The following RPS6KA2 variants were observed in gnomAD, a reference collection of about 807,000 sequenced individuals.
The protein encoded by RPS6KA2 is ribosomal protein S6 kinase A2.
Under a neutral mutation model 91.8 loss-of-function variants are expected in RPS6KA2, and 42 were observed. That is an observed-to-expected ratio of 0.46 (90% CI 0.36 to 0.59). RPS6KA2 has a LOEUF of 0.59. Ranked by LOEUF, RPS6KA2 falls within the 20% of genes least tolerant of loss-of-function variation. The pLI, the probability that RPS6KA2 is intolerant of heterozygous loss-of-function variation, is 0.00. For synonymous variants in RPS6KA2, 414 were observed against 393.6 expected (o/e 1.05, Z -0.61); for missense variants, 798 against 978.5 (o/e 0.82, Z 2.46).
chr6:166,654,766 T>C (rs956359137), intron 2 of RPS6KA2, among the ~76,000 whole-genome samples: 1 of 152,162 alleles, frequency 6.6e-6, no homozygotes, highest in Admixed American at 6.5e-5. Flanking sequence ...TAGATTAGGG[T>C]AAAATATTTT....
chr6:166,778,796 T>C (rs1178442411), intron 2 of RPS6KA2, among the ~76,000 whole-genome samples: 1 of 152,156 alleles, frequency 6.6e-6, no homozygotes, highest in African/African-American at 2.4e-5. Flanking sequence ...CATTAACTCA[T>C]GTGTTAATAA....
At chr6:166,708,710 C>G (rs568232952) in intron 2 of RPS6KA2, among the ~76,000 whole-genome samples, 2 of 152,326 alleles carry the variant, frequency 1.3e-5, no homozygotes, top group African/African-American at 4.8e-5. Flanking sequence ...TAGGCCTTTA[C>G]TAGTACTATT....
rs373981296 is a variant in RPS6KA2, at chr6:166,851,334, G to A, written c.123+6866C>T. Among the ~76,000 whole-genome samples, 59 of 152,272 alleles carry A rather than the reference G, an allele frequency of 3.9e-4. No individual in the cohort carries two copies. In the East Asian group the frequency reaches 9.6e-3, roughly 25 times the overall value. ...CCTGCTGCTCCGCACACTAGACACA[G>A]AGAAAACGGAGCTTTCTTTGGGTCT... is the stretch of plus-strand genomic sequence containing the variant. On this transcript the variant is annotated intron_variant, in intron 2 of 21. Transcript: ENST00000503859.
chr6:166,456,279 C>T (rs1359374719), intron 12 of RPS6KA2, among the ~76,000 whole-genome samples: 1 of 152,184 alleles, frequency 6.6e-6, no homozygotes, highest in African/African-American at 2.4e-5. Context: ...GTCGGTGTGG[C>T]TAGCTAGTAA....
chr6:166,511,093 CA>C (rs1470987665), intron 3 of RPS6KA2, among the ~76,000 whole-genome samples: 2 of 152,202 alleles, frequency 1.3e-5, no homozygotes, highest in Admixed American at 6.5e-5. Flanking sequence ...TGCCTCAGAT[CA>C]GGGGGTGCCT....
intron 5 of RPS6KA2, among the ~76,000 whole-genome samples, chr6:166,507,234 C>T (rs926086787): frequency 6.6e-6 from 1 of 152,142 alleles, no homozygotes; most frequent in Non-Finnish European, 1.5e-5. Context: ...CTTCCATCTG[C>T]GCTAGCTGGG....
chr6:166,674,318 G>A (rs1445939187), intron 2 of RPS6KA2, among the ~76,000 whole-genome samples: 1 of 152,218 alleles, frequency 6.6e-6, no homozygotes, highest in Non-Finnish European at 1.5e-5. Context: ...GCAGGTGGGC[G>A]CTGGGCAGAG....
rs796396205 is a variant in RPS6KA2, at chr6:166,525,866, A to C, written c.298+5366T>G. ...CAAATCAGGGATATTATGAGGGTGG[A>C]GAACGGGTTAGGAGATACTTGAACA... is the stretch of plus-strand genomic sequence containing the variant. On this transcript the variant is annotated intron_variant, in intron 3 of 20. Transcript: ENST00000265678. Among the ~76,000 whole-genome samples, 18 of 152,288 alleles carry C rather than the reference A, an allele frequency of 1.2e-4. 1 individual carries two copies. The highest frequency in any genetic ancestry group is 3.9e-4 in the African/African-American group (16 of 41,548).
chr6:166,540,003 G>A (rs1783605201), intron 1 of RPS6KA2, among the ~76,000 whole-genome samples: 1 of 152,194 alleles, frequency 6.6e-6, no homozygotes, highest in Non-Finnish European at 1.5e-5. Flanking sequence ...GTGTGCTCTG[G>A]GAACCAGGGG....
chr6:166,450,099 A>C (rs1028491593), intron 13 of RPS6KA2, among the ~76,000 whole-genome samples: 1 of 147,284 alleles, frequency 6.8e-6, no homozygotes, highest in African/African-American at 2.5e-5. Context: ...GGGAACCACC[A>C]TGGGGACCAA....
At chr6:166,568,027 G>A (rs1350224807) in intron 1 of RPS6KA2, among the ~76,000 whole-genome samples, 1 of 152,196 alleles carries the variant, frequency 6.6e-6, no homozygotes, top group Admixed American at 6.5e-5. Context: ...GGTCTAGGAT[G>A]GAAGAGGAAA....
At chr6:166,795,782 G>C (rs61268606) in intron 2 of RPS6KA2, among the ~76,000 whole-genome samples, 5,757 of 152,234 alleles carry the variant, frequency 0.038, 394 homozygotes, top group African/African-American at 0.13. Context: ...CGGACCACAG[G>C]AATCAGGAAT....
chr6:166,709,386 G>T (rs1468151208), intron 2 of RPS6KA2, among the ~76,000 whole-genome samples: 2 of 150,918 alleles, frequency 1.3e-5, no homozygotes, highest in African/African-American at 2.5e-5. Flanking sequence ...CCGGCACTTT[G>T]GGTGGCCGAG....
intron 2 of RPS6KA2, among the ~76,000 whole-genome samples, chr6:166,535,399 G>A (rs1583252734): frequency 6.6e-6 from 1 of 152,150 alleles, no homozygotes; most frequent in Non-Finnish European, 1.5e-5. Flanking sequence ...ACCCCCAAAA[G>A]GAAGACATTT....
intron 8 of RPS6KA2, among the ~76,000 whole-genome samples, chr6:166,497,026 G>A (rs913922768): frequency 4.6e-5 from 7 of 152,160 alleles, no homozygotes; most frequent in Non-Finnish European, 1.0e-4. Context: ...GAAGGGAGTG[G>A]ACCTATCGAG....
At chr6:166,470,875 A>C (rs1780741060) in intron 10 of RPS6KA2, among the ~76,000 whole-genome samples, 1 of 152,196 alleles carries the variant, frequency 6.6e-6, no homozygotes, top group Non-Finnish European at 1.5e-5. Flanking sequence ...AAAAGGCCCT[A>C]AAGCTCTAGG....
chr6:166,808,795 C>A (rs1420693798), intron 2 of RPS6KA2, among the ~76,000 whole-genome samples: 4 of 152,164 alleles, frequency 2.6e-5, no homozygotes, highest in Non-Finnish European at 5.9e-5. Flanking sequence ...ATGTCAGTAT[C>A]CCCAAATTGT....
At chr6:166,561,137 G>A (rs1784330548) in intron 1 of RPS6KA2, among the ~76,000 whole-genome samples, 1 of 152,156 alleles carries the variant, frequency 6.6e-6, no homozygotes, top group Non-Finnish European at 1.5e-5. Context: ...TTGGAGGTGT[G>A]TTTCCTGGGT....
chr6:166,465,800 G>C (rs931234366), intron 11 of RPS6KA2, among the ~76,000 whole-genome samples: 1 of 152,192 alleles, frequency 6.6e-6, no homozygotes, highest in Non-Finnish European at 1.5e-5. Context: ...GCTGGAGGAC[G>C]GGGCTCTGCG....
Sources: allele counts gnomAD v4.1 joint callset (sites outside exome capture counted in the v4.1 genomes callset), GRCh38; gene constraint gnomAD v4.1.1; transcripts MANE v1.5; gene names NCBI Gene and HGNC (gene_info 2026-07-23, HGNC 2026-07-21).